Variants in KIAA0319L observed in about 807,000 individuals in gnomAD.
The protein encoded by KIAA0319L is dyslexia-associated protein KIAA0319-like protein.
In KIAA0319L, 55 loss-of-function variants were observed where a neutral mutation model predicts 120.1. The ratio of observed to expected loss-of-function variants is 0.46; its 90% confidence interval spans 0.37 to 0.57. KIAA0319L has a LOEUF of 0.57. Ranked by LOEUF, KIAA0319L falls within the 20% of genes least tolerant of loss-of-function variation. The pLI, the probability that KIAA0319L is intolerant of heterozygous loss-of-function variation, is 0.00. For synonymous variants in KIAA0319L, 398 were observed against 471.9 expected (o/e 0.84, Z 2.03); for missense variants, 1,049 against 1,255.3 (o/e 0.84, Z 2.48).
intron 3 of KIAA0319L, among the ~76,000 whole-genome samples, chr1:35,500,961 C>G (rs560352845): frequency 6.6e-6 from 1 of 151,294 alleles, no homozygotes. Context: ...TTTAGCAATA[C>G]TTGCAGTTCT....
intron 2 of KIAA0319L, among the ~76,000 whole-genome samples, chr1:35,545,848 T>C (rs927889465): frequency 1.2e-4 from 18 of 152,080 alleles, no homozygotes; most frequent in South Asian, 6.2e-4. Context: ...TGAGCCAAGA[T>C]TGTGCCACTG....
chr1:35,531,287 C>T (rs974071118), intron 2 of KIAA0319L, among the ~76,000 whole-genome samples: 4 of 152,222 alleles, frequency 2.6e-5, no homozygotes, highest in African/African-American at 9.6e-5. Context: ...CCCTGATACA[C>T]TACACTGCCC....
At chr1:35,456,773 T>G (rs1329853768) in intron 9 of KIAA0319L, among the ~76,000 whole-genome samples, 1 of 149,086 alleles carries the variant, frequency 6.7e-6, no homozygotes, top group East Asian at 2.0e-4. Flanking sequence ...ATTGCACCAC[T>G]GCACTCCAGC....
rs1437731280 is a variant in KIAA0319L, at chr1:35,557,277, G to A, written c.-99C>T. ...CGCCTCCTCCTGGTCCATGGGCTCGGGGACCCCCAACCTTCGCTCCCCTCA... is the reference window on the plus strand; with the variant it reads ...CGCCTCCTCCTGGTCCATGGGCTCGAGGACCCCCAACCTTCGCTCCCCTCA... On this transcript the variant is annotated 5_prime_UTR_variant, in exon 1 of 21. Transcript: ENST00000325722. 4.6e-6 allele frequency: 1 copy of A among 216,472 alleles called. No homozygotes were observed. Among genetic ancestry groups the A allele is most frequent in the Non-Finnish European group, 9.6e-6 (1 of 104,624 alleles). The allele number at this position is 216,472 out of a possible 1,614,324, so 13.4% of individuals were successfully genotyped here. A position where few individuals can be genotyped will look rare whatever the true frequency, so the allele number is the denominator to read the frequency against.
chr1:35,458,945 A>G (rs1014368904), intron 9 of KIAA0319L, among the ~76,000 whole-genome samples: 1 of 152,138 alleles, frequency 6.6e-6, no homozygotes, highest in African/African-American at 2.4e-5. Context: ...GAATCAATGG[A>G]AATCCTGCTA....
intron 3 of KIAA0319L, among the ~76,000 whole-genome samples, chr1:35,501,722 C>A (rs912611299): frequency 3.3e-5 from 5 of 151,938 alleles, no homozygotes; most frequent in Non-Finnish European, 7.4e-5. Flanking sequence ...ACTAAAAATA[C>A]AAAAAATTAG....
chr1:35,477,438 C>T (rs1013474628), intron 4 of KIAA0319L, among the ~76,000 whole-genome samples: 7 of 152,012 alleles, frequency 4.6e-5, no homozygotes, highest in Non-Finnish European at 7.4e-5. Context: ...GAGGCCAAGG[C>T]GGACGGATCA....
chr1:35,549,617 A>G (rs1179924224), intron 2 of KIAA0319L, among the ~76,000 whole-genome samples: 1 of 152,162 alleles, frequency 6.6e-6, no homozygotes, highest in Non-Finnish European at 1.5e-5. Context: ...TCAGATTTCT[A>G]GGGCCAATTA....
chr1:35,541,660 T>G (rs1432278584), intron 2 of KIAA0319L, among the ~76,000 whole-genome samples: 2 of 152,096 alleles, frequency 1.3e-5, no homozygotes, highest in African/African-American at 4.8e-5. Context: ...TACAAACTAC[T>G]TCTAACCCAA....
At chr1:35,477,900 G>C (rs1306422938) in intron 4 of KIAA0319L, among the ~76,000 whole-genome samples, 3 of 151,994 alleles carry the variant, frequency 2.0e-5, no homozygotes, top group African/African-American at 7.3e-5. Flanking sequence ...CCCACTGCTG[G>C]GTCTATACCC....
At chr1:35,489,358 T>C (rs1174167345) in intron 3 of KIAA0319L, among the ~76,000 whole-genome samples, 4 of 152,168 alleles carry the variant, frequency 2.6e-5, no homozygotes, top group Non-Finnish European at 5.9e-5. Context: ...CATCAGGTGA[T>C]AAAAAACAGT....
chr1:35,450,584 GA>G, intron 13 of KIAA0319L, 75 bp from the exon 14 acceptor site: 1 of 1,423,174 alleles, frequency 7.0e-7, no homozygotes, highest in Non-Finnish European at 9.7e-7. Flanking sequence ...TGCTTATGGG[GA>G]AATTAAAACA....
chr1:35,529,849 T>C (rs1387462342), intron 2 of KIAA0319L, among the ~76,000 whole-genome samples: 3 of 152,202 alleles, frequency 2.0e-5, no homozygotes, highest in East Asian at 1.9e-4. Flanking sequence ...TCTAAATCTC[T>C]TCTTAAATTT....
chr1:35,536,264 G>A (rs1308826252), intron 2 of KIAA0319L, among the ~76,000 whole-genome samples: 2 of 152,160 alleles, frequency 1.3e-5, no homozygotes, highest in African/African-American at 4.8e-5. Flanking sequence ...AACCAGCTGG[G>A]AAACAGCCTT....
At chr1:35,512,809 T>C (rs1035520791) in intron 2 of KIAA0319L, among the ~76,000 whole-genome samples, 4 of 147,372 alleles carry the variant, frequency 2.7e-5, no homozygotes, top group Non-Finnish European at 4.5e-5. Flanking sequence ...GAGGTGGAGG[T>C]TGCAGTGAGC....
chr1:35,459,183 A>C (rs916108670), intron 9 of KIAA0319L, among the ~76,000 whole-genome samples: 1 of 152,130 alleles, frequency 6.6e-6, no homozygotes, highest in Non-Finnish European at 1.5e-5. Flanking sequence ...AACCTCATGG[A>C]AATTGAGGAG....
At chr1:35,539,127 G>A (rs1198481621) in intron 2 of KIAA0319L, among the ~76,000 whole-genome samples, 1 of 152,036 alleles carries the variant, frequency 6.6e-6, no homozygotes, top group Non-Finnish European at 1.5e-5. Context: ...GAAACATATC[G>A]TACACATACG....
intron 3 of KIAA0319L, among the ~76,000 whole-genome samples, chr1:35,494,844 G>A (rs1437580779): frequency 1.3e-5 from 2 of 152,116 alleles, no homozygotes; most frequent in Non-Finnish European, 2.9e-5. Flanking sequence ...AGACAGTGTA[G>A]AACTCATGTC....
chr1:35,535,798 A>C (rs970693766), intron 2 of KIAA0319L, among the ~76,000 whole-genome samples: 1 of 152,154 alleles, frequency 6.6e-6, no homozygotes, highest in African/African-American at 2.4e-5. Flanking sequence ...CCTCTATCAT[A>C]GCATTTCTCT....
Sources: gnomAD v4.1 joint callset for allele counts (sites outside exome capture counted in the v4.1 genomes callset) on GRCh38, gnomAD v4.1.1 for gene constraint, MANE v1.5 for transcripts, NCBI Gene and HGNC (gene_info 2026-07-23, HGNC 2026-07-21) for gene names.